The following JAKMIP3 variants were observed in gnomAD, a reference collection of about 807,000 sequenced individuals.
The protein encoded by JAKMIP3 is Janus kinase and microtubule interacting protein 3.
In JAKMIP3, 58 loss-of-function variants were observed where a neutral mutation model predicts 118.5. The observed-to-expected ratio is 0.49, with a 90% CI of 0.40 to 0.61. The LOEUF (loss-of-function observed/expected upper bound fraction) is 0.61. Ranked by LOEUF, JAKMIP3 falls within the 20% of genes least tolerant of loss-of-function variation. The probability of loss-of-function intolerance (pLI) is 0.00; values close to 1 mark genes in which losing one functional copy is unlikely to be tolerated. For synonymous variants in JAKMIP3, 486 were observed against 451.2 expected (o/e 1.08, Z -0.98); for missense variants, 950 against 1,109.0 (o/e 0.86, Z 2.04).
At chr10:132,094,447 G>GTGT (rs146154012) in intron 1 of JAKMIP3, among the ~76,000 whole-genome samples, 2,386 of 152,210 alleles carry the variant, frequency 0.016, 72 homozygotes, top group African/African-American at 0.054. Context: ...GTCCCATGGG[G>GTGT]TGTTCCCTTG....
At chr10:132,078,676 C>T (rs1262653112) in intron 1 of JAKMIP3, among the ~76,000 whole-genome samples, 3 of 151,768 alleles carry the variant, frequency 2.0e-5, no homozygotes, top group African/African-American at 7.3e-5. Context: ...CATGTAGCTA[C>T]TCCTGAGGTT....
At chr10:132,042,769 A>T (rs1272129111) in intron 1 of JAKMIP3, among the ~76,000 whole-genome samples, 2 of 152,138 alleles carry the variant, frequency 1.3e-5, no homozygotes, top group Non-Finnish European at 2.9e-5. Context: ...GGTATTAGAA[A>T]TAGTTAAGAA....
rs146617537 is a variant in JAKMIP3, at chr10:132,158,592, G to A, written c.2220+4602G>A. Among the ~76,000 whole-genome samples the A allele has an allele frequency of 2.3e-4, 35 of 152,340 alleles. No individual in the cohort carries two copies. The East Asian group carries it at 4.4e-3, about 19-fold the overall frequency. On this transcript the variant is annotated intron_variant, in intron 19 of 23. Transcript: ENST00000684848. The stretch of plus-strand genomic sequence containing the variant: ...GGATTAATGGCCCCTACTCTGGAGG[G>A]GACTGGGGGCATCCTCCTGTGAGAT...
At position 132,049,237 on chromosome 10, in the gene JAKMIP3, G is replaced by A. The variant is rs1470412288; in HGVS notation, c.-138+12499G>A. 6.6e-6 allele frequency among the ~76,000 whole-genome samples: 1 copy of A among 152,114 alleles called. No individual in the cohort carries two copies. Among genetic ancestry groups the A allele is most frequent in the Non-Finnish European group, 1.5e-5 (1 of 68,028 alleles). ...TGGATTCGGGTCTGTTTCTATGTAG[G>A]GACGGTCTTCCGGGAGCACAGCTAT... On this transcript the variant is annotated intron_variant, in intron 1 of 23. Coordinates refer to the JAKMIP3 transcript ENST00000657785. The surrounding 1 kb of genome is among the most constrained non-coding windows in gnomAD (Gnocchi z 4.3).
intron 23 of JAKMIP3, among the ~76,000 whole-genome samples, chr10:132,170,545 C>T (rs781460427): frequency 6.6e-6 from 1 of 152,240 alleles, no homozygotes; most frequent in Non-Finnish European, 1.5e-5. Flanking sequence ...CAGCTGCCCT[C>T]GGTGACATCT....
chr10:132,074,855 A>G (rs1311526102), intron 1 of JAKMIP3, among the ~76,000 whole-genome samples: 1 of 152,152 alleles, frequency 6.6e-6, no homozygotes, highest in Non-Finnish European at 1.5e-5. Context: ...ATTTTTGCAT[A>G]TGATGAGAGG....
chr10:132,086,593 C>T (rs1405779171), intron 1 of JAKMIP3, among the ~76,000 whole-genome samples: 1 of 152,070 alleles, frequency 6.6e-6, no homozygotes, highest in Non-Finnish European at 1.5e-5. Context: ...TTGGACAAGG[C>T]CTTTTATCAT....
At chr10:132,128,115 G>A (rs994825986) in intron 3 of JAKMIP3, among the ~76,000 whole-genome samples, 10 of 152,172 alleles carry the variant, frequency 6.6e-5, no homozygotes, top group African/African-American at 2.4e-4. Flanking sequence ...AACAAAGGAC[G>A]CTCTCTACTT....
chr10:132,139,507 TGTGAGTGTGA>T (rs1429914991), intron 9 of JAKMIP3, among the ~76,000 whole-genome samples: 2 of 61,478 alleles, frequency 3.3e-5, no homozygotes, highest in Non-Finnish European at 9.0e-5. Context: ...AGTGTGTATG[TGTGAGTGTGA>T]GTGTGTGTGT....
At chr10:132,053,894 G>A (rs946410195) in intron 1 of JAKMIP3, among the ~76,000 whole-genome samples, 6 of 152,006 alleles carry the variant, frequency 3.9e-5, no homozygotes, top group Non-Finnish European at 5.9e-5. Flanking sequence ...AAAATTAGCC[G>A]GGCATGGTGG....
chr10:132,106,997 C>T (rs573348240), intron 2 of JAKMIP3, among the ~76,000 whole-genome samples: 8 of 151,984 alleles, frequency 5.3e-5, no homozygotes, highest in African/African-American at 1.7e-4. Context: ...AATCCTCTCA[C>T]CTCAGCCCCT....
intron 14 of JAKMIP3, among the ~76,000 whole-genome samples, chr10:132,148,502 ACGTCCGTCCTCCATC>A (rs1342526345): frequency 5.2e-5 from 5 of 95,748 alleles, no homozygotes; most frequent in African/African-American, 1.6e-4. Context: ...AGGAGCCGGC[ACGTCCGTCCTCCATC>A]CGCCCGTCCT....
chr10:132,152,012 C>G (rs1391920984), intron 16 of JAKMIP3, among the ~76,000 whole-genome samples: 1 of 152,210 alleles, frequency 6.6e-6, no homozygotes, highest in Admixed American at 6.5e-5. Flanking sequence ...AAGCCACCTG[C>G]TCAGCCTCCC....
At chr10:132,099,038 C>T (rs1368154666) in intron 1 of JAKMIP3, among the ~76,000 whole-genome samples, 2 of 152,048 alleles carry the variant, frequency 1.3e-5, no homozygotes, top group Admixed American at 6.6e-5. Flanking sequence ...AGACATGGAC[C>T]GTCCCACCCC....
intron 3 of JAKMIP3, among the ~76,000 whole-genome samples, chr10:132,122,056 C>A (rs1282896608): frequency 6.6e-6 from 1 of 152,250 alleles, no homozygotes; most frequent in East Asian, 1.9e-4. Flanking sequence ...ACTCAGTCCC[C>A]AGCACCTACG....
chr10:132,087,503 G>GT (rs1189766152), intron 1 of JAKMIP3, among the ~76,000 whole-genome samples: 1 of 151,818 alleles, frequency 6.6e-6, no homozygotes, highest in East Asian at 1.9e-4. Flanking sequence ...TTATTCTTAG[G>GT]TTTGGTCATT....
chr10:132,159,205 TGATGC>T, intron 19 of JAKMIP3, among the ~76,000 whole-genome samples: 4 of 11,836 alleles, frequency 3.4e-4, no homozygotes, highest in African/African-American at 1.3e-3. Flanking sequence ...TCTCCCTGTG[TGATGC>T]TGTGGGGGCA....
At chr10:132,065,706 G>A (rs1055130266), upstream of JAKMIP3, among the ~76,000 whole-genome samples, 18 of 152,106 alleles carry the variant, frequency 1.2e-4, no homozygotes, top group Admixed American at 9.8e-4. The surrounding 1 kb of genome is among the most constrained non-coding windows in gnomAD (Gnocchi z 5.6). Context: ...CCGCCCGGCC[G>A]TGCAGAGCTG....
upstream of JAKMIP3, among the ~76,000 whole-genome samples, chr10:132,061,610 G>C (rs2038401078): frequency 6.6e-6 from 1 of 152,172 alleles, no homozygotes; most frequent in South Asian, 2.1e-4. Context: ...CATCACAGTA[G>C]AGAACTTAGG....
Sources: gnomAD v4.1 joint callset for allele counts (sites outside exome capture counted in the v4.1 genomes callset) on GRCh38, gnomAD v4.1.1 for gene constraint, Gnocchi (gnomAD v3.1) non-coding constraint, MANE v1.5 for transcripts, NCBI Gene and HGNC (gene_info 2026-07-23, HGNC 2026-07-21) for gene names.